Variants in ZNF385B observed in about 807,000 individuals in gnomAD.
ZNF385B encodes zinc finger protein 385B.
A neutral mutation model predicts 39.2 loss-of-function variants in ZNF385B; 23 were observed. The ratio of observed to expected loss-of-function variants is 0.59; its 90% CI spans 0.42 to 0.83. The LOEUF (loss-of-function observed/expected upper bound fraction) is 0.83, where lower values mean the gene tolerates loss of function less well. Among genes scored for constraint, ZNF385B ranks in the 40% least tolerant of loss-of-function variants. ZNF385B has a pLI of 0.00. For synonymous variants in ZNF385B, 205 were observed against 222.6 expected (o/e 0.92, Z 0.70); for missense variants, 552 against 598.9 (o/e 0.92, Z 0.82).
At chr2:179,599,549 T>C (rs1688251640) in intron 3 of ZNF385B, among the ~76,000 whole-genome samples, 1 of 152,246 alleles carries the variant, frequency 6.6e-6, no homozygotes, top group Non-Finnish European at 1.5e-5. Flanking sequence ...AACTGTTTTC[T>C]CTCCAGCTTT....
intron 1 of ZNF385B, among the ~76,000 whole-genome samples, chr2:179,805,555 T>G (rs2106559461): frequency 6.6e-6 from 1 of 152,376 alleles, no homozygotes; most frequent in Non-Finnish European, 1.5e-5. Flanking sequence ...CTGTGTCTTC[T>G]CCTGGTTTCA....
At chr2:179,634,646 G>A (rs538779320) in intron 3 of ZNF385B, among the ~76,000 whole-genome samples, 50 of 152,264 alleles carry the variant, frequency 3.3e-4, no homozygotes, top group African/African-American at 9.1e-4. Context: ...ACAGTGTGGC[G>A]ATTCCTCAAG....
intron 3 of ZNF385B, among the ~76,000 whole-genome samples, chr2:179,590,025 A>C (rs190226930): frequency 3.3e-5 from 5 of 152,352 alleles, no homozygotes; most frequent in African/African-American, 1.2e-4. Context: ...ATGTTTAAAA[A>C]GGCCTGGGTT....
intron 3 of ZNF385B, among the ~76,000 whole-genome samples, chr2:179,608,131 C>T (rs561262281): frequency 6.6e-6 from 1 of 152,110 alleles, no homozygotes; most frequent in East Asian, 1.9e-4. Flanking sequence ...CCAGGCTGGT[C>T]TTGAACTCCT....
At chr2:179,531,636 A>AAAAT (rs1199957651) in intron 4 of ZNF385B, among the ~76,000 whole-genome samples, 3 of 152,102 alleles carry the variant, frequency 2.0e-5, no homozygotes, top group African/African-American at 4.8e-5. Context: ...CTCCATCTCA[A>AAAAT]AAATAAATAA....
At chr2:179,791,576 GCTTGT>G (rs1001728669) in intron 1 of ZNF385B, among the ~76,000 whole-genome samples, 3 of 151,930 alleles carry the variant, frequency 2.0e-5, no homozygotes, top group Non-Finnish European at 4.4e-5. Context: ...CAGGTGAGGC[GCTTGT>G]CTTAAGTGTG....
At chr2:179,689,783 ATGTGTGTGTG>A (rs112957152) in intron 3 of ZNF385B, among the ~76,000 whole-genome samples, 2,425 of 129,952 alleles carry the variant, frequency 0.019, 51 homozygotes, top group African/African-American at 0.059. Flanking sequence ...GGGCAGGGGC[ATGTGTGTGTG>A]TGTGTGTGTG....
chr2:179,856,242 C>A (rs1040554162), intron 1 of ZNF385B, among the ~76,000 whole-genome samples: 11 of 151,972 alleles, frequency 7.2e-5, no homozygotes, highest in African/African-American at 2.7e-4. Context: ...AACTAAAGTT[C>A]AAGTTGTTTA....
At chr2:179,693,944 ATT>A (rs982473868) in intron 3 of ZNF385B, among the ~76,000 whole-genome samples, 1 of 152,144 alleles carries the variant, frequency 6.6e-6, no homozygotes, top group Non-Finnish European at 1.5e-5. Context: ...ATAAAAACAC[ATT>A]TTTTTCTTAC....
At chr2:179,786,747 T>A (rs1465103378) in intron 1 of ZNF385B, among the ~76,000 whole-genome samples, 1 of 152,042 alleles carries the variant, frequency 6.6e-6, no homozygotes, top group Non-Finnish European at 1.5e-5. Flanking sequence ...GAATATTTTT[T>A]GTTTTTGTAT....
At chr2:179,498,253 C>T (rs1284162501) in intron 5 of ZNF385B, among the ~76,000 whole-genome samples, 1 of 151,904 alleles carries the variant, frequency 6.6e-6, no homozygotes, top group Non-Finnish European at 1.5e-5. Context: ...CTGTAGAATA[C>T]ATATTCTTTT....
At chr2:179,574,739 G>A (rs1685614868) in intron 3 of ZNF385B, among the ~76,000 whole-genome samples, 1 of 152,118 alleles carries the variant, frequency 6.6e-6, no homozygotes, top group Admixed American at 6.5e-5. Flanking sequence ...TATAAGTATG[G>A]ACACAACAAC....
chr2:179,829,136 T>C (rs1707835167), intron 1 of ZNF385B, among the ~76,000 whole-genome samples: 1 of 152,086 alleles, frequency 6.6e-6, no homozygotes, highest in Admixed American at 6.5e-5. Context: ...TTCTAGTCTT[T>C]CCAAAACGTC....
At chr2:179,501,590 G>A (rs770468793) in intron 5 of ZNF385B, among the ~76,000 whole-genome samples, 25 of 152,046 alleles carry the variant, frequency 1.6e-4, no homozygotes, top group South Asian at 4.2e-4. Flanking sequence ...GAAGGGTAGC[G>A]GGGAGCTGGG....
intron 3 of ZNF385B, among the ~76,000 whole-genome samples, chr2:179,731,693 G>C (rs1463409796): frequency 2.6e-5 from 4 of 152,212 alleles, no homozygotes; most frequent in Non-Finnish European, 5.9e-5. Context: ...AGGTTGGAGT[G>C]AGAGGATCAT....
At chr2:179,504,828 C>T (rs547013399) in intron 5 of ZNF385B, among the ~76,000 whole-genome samples, 1 of 149,932 alleles carries the variant, frequency 6.7e-6, no homozygotes, top group East Asian at 1.9e-4. Flanking sequence ...AAAAAAAAAA[C>T]CAGATCTCAG....
intron 3 of ZNF385B, among the ~76,000 whole-genome samples, chr2:179,589,614 G>T (rs1192103731): frequency 1.3e-5 from 2 of 152,174 alleles, no homozygotes; most frequent in Non-Finnish European, 1.5e-5. Flanking sequence ...TTTCCTATTT[G>T]TATATACCCA....
At chr2:179,599,016 G>A (rs13018742) in intron 3 of ZNF385B, among the ~76,000 whole-genome samples, 37,613 of 152,080 alleles carry the variant, frequency 0.25, 5,760 homozygotes, top group Non-Finnish European at 0.33. Flanking sequence ...CATTTATTGT[G>A]AAGAATTCTA....
At chr2:179,610,757 A>C (rs1689224073) in intron 3 of ZNF385B, among the ~76,000 whole-genome samples, 1 of 152,000 alleles carries the variant, frequency 6.6e-6, no homozygotes, top group Non-Finnish European at 1.5e-5. Flanking sequence ...CATTGTAGAG[A>C]TCTTTCACTT....
Sources: gnomAD v4.1 joint callset for allele counts (sites outside exome capture counted in the v4.1 genomes callset) on GRCh38, gnomAD v4.1.1 for gene constraint, MANE v1.5 for transcripts, NCBI Gene and HGNC (gene_info 2026-07-23, HGNC 2026-07-21) for gene names.